ABCA7: variants seen among roughly 807,000 people sequenced by gnomAD.
ABCA7 encodes the protein ATP binding cassette subfamily A member 7.
ABCA7 carries 261 observed loss-of-function variants against 227.6 expected under a neutral mutation model. The ratio of observed to expected loss-of-function variants is 1.15; its 90% CI spans 1.04 to 1.27. The LOEUF (loss-of-function observed/expected upper bound fraction) is 1.27, where lower values mean the gene tolerates loss of function less well. Among genes scored for constraint, ABCA7 ranks in the 50% most tolerant of loss-of-function variants. The pLI is 0.00. For missense variants in ABCA7, 3,331 were observed against 2,924.5 expected (o/e 1.14, Z -3.21); for synonymous variants, 1,488 against 1,279.7 (o/e 1.16, Z -3.47).
In ABCA7 at chr19:1,054,792, A is replaced by G. The variant is rs2042101612; in HGVS notation, c.3864A>G (p.Pro1288=). The G allele has an allele frequency of 1.3e-6, 2 of 1,599,018 alleles. No individual in the cohort carries two copies. Among genetic ancestry groups the G allele is most frequent in the Non-Finnish European group, 1.7e-6 (2 of 1,173,606 alleles). The change falls in exon 29 of 47, where the codon CCA becomes CCG. Residue 1288 remains proline (P), a synonymous_variant. Coordinates refer to ENST00000263094, the MANE Select transcript of ABCA7 (RefSeq NM_019112.4). The surrounding 1 kb of genome is among the most constrained non-coding windows in gnomAD (Gnocchi z 4.8). ...AQVSFFSEDA[P]GDPGRARLLE... is the part of the protein sequence containing the mutation. Reference sequence around the variant, plus strand: ...CCCTCACACACAGTGAGGACGCCCCAGGGGACCCTGGACGTGCCCGGCTGC... The same window carrying G: ...CCCTCACACACAGTGAGGACGCCCCGGGGGACCCTGGACGTGCCCGGCTGC...
At chr19:1,057,798 G>T in intron 35 of ABCA7, 117 bp from the exon 36 acceptor site, 10 of 1,260,236 alleles carry the variant, frequency 7.9e-6, no homozygotes, top group Non-Finnish European at 1.1e-5. Flanking sequence ...AAACAGAAAT[G>T]TGCTTTGGGT....
Position 1,057,297 on chromosome 19 carries a change from T to G in ABCA7, c.4765-17T>G. On this transcript the variant is annotated splice_polypyrimidine_tract_variant and intron_variant, in intron 34 of 46. Transcript: ENST00000263094. ...ACCTCTTTAGGCTGATAAAGGTAAC[T>G]GCCATCTCCAATGCAGTGTAACTAC... 3 of 1,613,248 alleles carry G rather than the reference T, an allele frequency of 1.9e-6. No individual in the cohort carries two copies.
At chr19:1,050,782 A>AATAATAAT (rs2041516132) in intron 18 of ABCA7, 139 bp from the exon 19 acceptor site, 5 of 359,106 alleles carry the variant, frequency 1.4e-5, no homozygotes, top group South Asian at 1.3e-4. Context: ...TCCGTCTCAA[A>AATAATAAT]AATAATAATA....
Position 1,048,882 on chromosome 19 carries a change from C to A in ABCA7, c.2270-13C>A, listed in dbSNP as rs374869169. On this transcript the variant is annotated splice_polypyrimidine_tract_variant and intron_variant, in intron 16 of 46. Transcript: ENST00000263094. ...GGGGTGGGCTAAGCAATAACCCGCG[C>A]CCCTCCCCGCAGGCCAGTACGGGAT... is the stretch of plus-strand genomic sequence containing the variant. The A allele has an allele frequency of 2.4e-4, 378 of 1,554,416 alleles. 1 individual carries two copies. The highest frequency in any genetic ancestry group is 3.0e-4 in the Admixed American group (17 of 55,844).
intron 5 of ABCA7, 41 bp downstream of exon 5, chr19:1,042,217 G>T: frequency 6.3e-7 from 1 of 1,594,102 alleles, no homozygotes; most frequent in South Asian, 1.1e-5. Context: ...TGAGCTCTGA[G>T]CCTCAACTTG....
rs139777059 is a variant in ABCA7, at chr19:1,062,279, G to A, written c.5678G>A (p.Arg1893His). ...TGREHLELLA[R>H]LRGVPEAQVA... ...CGCGAGCACCTGGAGCTGCTTGCGCGCCTGCGCGGTGTCCCGGAGGCCCAG... is the reference window on the plus strand; with the variant it reads ...CGCGAGCACCTGGAGCTGCTTGCGCACCTGCGCGGTGTCCCGGAGGCCCAG... Residue 1893 changes from arginine (R) to histidine (H), a missense_variant, in exon 42 of 47, where the codon CGC (arginine) becomes CAC (histidine). Transcript: ENST00000263094. 12 of 1,609,148 alleles carry A rather than the reference G, an allele frequency of 7.5e-6. 1 individual carries two copies. The East Asian group carries it at 8.9e-5, about 12-fold the overall frequency.
At position 1,060,208 on chromosome 19, in the gene ABCA7, T is replaced by TATATA. The variant is rs1555699222; in HGVS notation, c.5463+1123_5463+1124insATATA. 6.1e-3 allele frequency among the ~76,000 whole-genome samples: 729 copies of TATATA among 118,742 alleles called. 15 individuals are homozygous for TATATA. The highest frequency in any genetic ancestry group is 0.019 in the Middle Eastern group (5 of 266). 77.9% of individuals were successfully genotyped at this position (118,742 alleles called of 152,430 possible). On this transcript the variant is annotated intron_variant, in intron 40 of 46. Transcript: ENST00000263094. ...GCACACATTGCAGTATATATATATA[T>TATATA]TTTTTTTTCTTTTTTTTTCTTTTGA... is the stretch of plus-strand genomic sequence containing the variant.
chr19:1,051,063 G>A lies in ABCA7; in HGVS notation c.2684+11G>A. ...CGTGCTGTTTGACATGTGCGTCTCG[G>A]CAGGCCCAGAGTGCAGCGGTGGGAA... is the stretch of plus-strand genomic sequence containing the variant. On this transcript the variant is annotated intron_variant, in intron 19 of 46. Transcript: ENST00000263094. The A allele has an allele frequency of 1.9e-6, 3 of 1,610,502 alleles. No homozygotes were observed. Among genetic ancestry groups the A allele is most frequent in the East Asian group, 4.5e-5 (2 of 44,846 alleles).
chr19:1,041,416 C>T lies in ABCA7; in HGVS notation c.55C>T (p.Arg19Trp), dbSNP rs546173555. 4.6e-5 allele frequency: 74 copies of T among 1,613,986 alleles called. No individual in the cohort carries two copies. The highest frequency in any genetic ancestry group is 6.0e-5 in the Non-Finnish European group (71 of 1,180,038). The change falls in exon 2 of 47, where the codon CGG becomes TGG. Residue 19 changes from arginine to tryptophan, a missense_variant. Physicochemically the swap from Arg to Trp is moderately radical, Grantham distance 101 (BLOSUM62 -3). Transcript: ENST00000263094. The stretch of plus-strand genomic sequence containing the variant: ...GCTCTGGAAGAATTTCATGTATCGC[C>T]GGAGACAGCCGGTAACGCCCCAGTG... ...LLLWKNFMYR[R>W]RQPVQLLVEL...
rs2040729463 is a variant in ABCA7 at position 1,046,820 on chromosome 19, C to T, written c.1641C>T (p.Ser547=). 6.5e-7 allele frequency: 1 copy of T among 1,538,456 alleles called. No individual in the cohort carries two copies. Among genetic ancestry groups the T allele is most frequent in the African/African-American group, 1.4e-5 (1 of 73,232 alleles). The part of the protein sequence containing the change: ...YVDDVFLRVL[S]RSLPLFLTLA... ...ACCCCAGGTTCCTGCGTGTGCTGAG[C>T]CGGTCGCTGCCGCTCTTCCTGACGC... Residue 547 remains serine (S), a synonymous_variant, in exon 14 of 47, where the codon AGC becomes AGT. Coordinates refer to ENST00000263094, the MANE Select transcript of ABCA7 (RefSeq NM_019112.4).
chr19:1,046,301 T>C lies in ABCA7; in HGVS notation c.1517T>C (p.Leu506Pro), dbSNP rs750088519. ...TACGTGTGGGGCGGCTTCGTGTACC[T>C]GCAAGACCTGGTGGAGCGTGCAGCC... Reference protein sequence around the residue: ...LRYVWGGFVYLQDLVERAAVR... With the variant: ...LRYVWGGFVYPQDLVERAAVR... The change falls in exon 13 of 47, where the codon CTG becomes CCG. Residue 506 changes from leucine to proline, a missense_variant. By Grantham distance (98) the Leu-to-Pro change is moderately conservative (BLOSUM62 -3). Coordinates refer to ENST00000263094, the MANE Select transcript of ABCA7 (RefSeq NM_019112.4). 1.2e-6 allele frequency: 2 copies of C among 1,605,654 alleles called. No homozygotes were observed. Among genetic ancestry groups the C allele is most frequent in the Non-Finnish European group, 8.5e-7 (1 of 1,179,716 alleles).
chr19:1,063,516 C>G (rs1469282480), intron 42 of ABCA7, 28 bp from the exon 43 acceptor site: 1 of 1,607,260 alleles, frequency 6.2e-7, no homozygotes, highest in African/African-American at 1.3e-5. Flanking sequence ...ATATGAGTCC[C>G]CATGCCTACT....
At chr19:1,041,179 C>T (rs2097303873) in intron 1 of ABCA7, 46 bp from the exon 2 acceptor site, 1 of 664,468 alleles carries the variant, frequency 1.5e-6, no homozygotes, top group Non-Finnish European at 2.7e-6. Flanking sequence ...CCTGGGGTAG[C>T]GGAGCCTCTT....
chr19:1,061,623 C>T (rs552372433), intron 40 of ABCA7, among the ~76,000 whole-genome samples, 159 bp from the exon 41 acceptor site: 11 of 150,320 alleles, frequency 7.3e-5, no homozygotes, highest in South Asian at 2.1e-4. Flanking sequence ...TGCTTGAACC[C>T]GGGAGGCAGA....
In ABCA7 at chr19:1,064,218, C is replaced by A; in HGVS notation, c.6009C>A (p.Phe2003Leu). The change falls in exon 45 of 47, where the codon TTC becomes TTA. Residue 2003 changes from phenylalanine (F) to leucine (L), a missense_variant. Coordinates refer to ENST00000263094, the MANE Select transcript of ABCA7 (RefSeq NM_019112.4). ...SRLAIMVNGR[F>L]RCLGSPQHLK... The stretch of plus-strand genomic sequence containing the variant: ...TGGCCATCATGGTGAATGGGCGGTT[C>A]CGCTGCCTGGGCAGCCCGCAACATC... 6.4e-7 allele frequency: 1 copy of A among 1,573,772 alleles called. No individual in the cohort carries two copies. Among genetic ancestry groups the A allele is most frequent in the Non-Finnish European group, 8.6e-7 (1 of 1,161,158 alleles).
chr19:1,047,143 G>A lies in ABCA7; in HGVS notation c.1846-14G>A. ...TCCAGGAGCTGCACCCTAAGCTCCC[G>A]TTGCCTCTCACAGCTGGGAGACATC... is the stretch of plus-strand genomic sequence containing the variant. On this transcript the variant is annotated splice_polypyrimidine_tract_variant and intron_variant, in intron 14 of 46. Transcript: ENST00000263094. The A allele has an allele frequency of 1.9e-6, 3 of 1,593,790 alleles. No individual in the cohort carries two copies. Among genetic ancestry groups the A allele is most frequent in the African/African-American group, 1.3e-5 (1 of 74,328 alleles).
At chr19:1,064,285 G>A (rs1363728653) in intron 45 of ABCA7, 32 bp downstream of exon 45, 1 of 1,532,002 alleles carries the variant, frequency 6.5e-7, no homozygotes, top group South Asian at 1.2e-5. Context: ...GCAGGTGTGG[G>A]GTGAGGGTGG....
At chr19:1,065,235 G>T (rs1422712912) in intron 46 of ABCA7, 35 bp from the exon 47 acceptor site, 2 of 1,608,810 alleles carry the variant, frequency 1.2e-6, no homozygotes, top group East Asian at 2.2e-5. Context: ...TGGGCTGACC[G>T]TCCCTCTTGT....
intron 13 of ABCA7, 150 bp downstream of exon 13, chr19:1,046,556 G>A: frequency 2.5e-6 from 3 of 1,216,914 alleles, no homozygotes; most frequent in Non-Finnish European, 3.4e-6. Context: ...GCAGCGGGAG[G>A]AGCAGGGGAC....
Sources: gnomAD v4.1 joint callset for allele counts (sites outside exome capture counted in the v4.1 genomes callset) on GRCh38, gnomAD v4.1.1 for gene constraint, Gnocchi (gnomAD v3.1) non-coding constraint, MANE v1.5 for transcripts, NCBI Gene and HGNC (gene_info 2026-07-23, HGNC 2026-07-21) for gene names.